The following TACC3 variants were observed in gnomAD, a reference collection of about 807,000 sequenced individuals.
The protein encoded by TACC3 is transforming acidic coiled-coil-containing protein 3.
A neutral mutation model predicts 86.0 loss-of-function variants in TACC3; 52 were observed. The observed-to-expected ratio is 0.60, with a 90% CI of 0.48 to 0.76. The LOEUF is 0.76. Among genes scored for constraint, TACC3 ranks in the 30% least tolerant of loss-of-function variants. The pLI is 0.00. For synonymous variants in TACC3, 512 were observed against 430.0 expected (o/e 1.19, Z -2.36); for missense variants, 1,120 against 1,070.4 (o/e 1.05, Z -0.65).
intron 13 of TACC3, 125 bp from the exon 14 acceptor site, chr4:1,744,393 G>C: frequency 1.2e-6 from 1 of 822,556 alleles, no homozygotes; most frequent in Non-Finnish European, 1.9e-6. Context: ...AAAGGAAAAC[G>C]GGAGCTACTG....
At chr4:1,738,157 G>A in intron 10 of TACC3, 1 of 330,686 alleles carries the variant, frequency 3.0e-6, no homozygotes, top group South Asian at 2.3e-5. Flanking sequence ...CCAGGCTTCA[G>A]CCTGTTCTAA....
chr4:1,744,802 C>T lies in TACC3; in HGVS notation c.2421C>T (p.Ile807=). The part of the protein sequence containing the change: ...QASLRKEQMR[I]QSLEKTVEQK... ...GCCTGAGGAAGGAGCAGATGCGCATCCAGTCGCTGGAGAAGACAGTGGAGC... is the reference window on the plus strand; with the variant it reads ...GCCTGAGGAAGGAGCAGATGCGCATTCAGTCGCTGGAGAAGACAGTGGAGC... Residue 807 remains isoleucine (I), a synonymous_variant, in exon 15 of 16, where the codon ATC becomes ATT. Coordinates refer to ENST00000313288, the MANE Select transcript of TACC3 (RefSeq NM_006342.3). The T allele has an allele frequency of 6.2e-7, 1 of 1,612,944 alleles. No individual in the cohort carries two copies. Among genetic ancestry groups the T allele is most frequent in the Non-Finnish European group, 8.5e-7 (1 of 1,180,024 alleles).
rs1718238367 is a variant in TACC3 at position 1,735,884 on chromosome 4, C to G, written c.1748+50C>G. The G allele has an allele frequency of 1.5e-6, 2 of 1,330,068 alleles. No individual in the cohort carries two copies. The highest frequency in any genetic ancestry group is 1.4e-5 in the African/African-American group (1 of 69,306). The allele number at this position is 1,330,068 out of a possible 1,614,324, so 82.4% of individuals were successfully genotyped here. ...GCATGAAGCCTTGAGTGTGGGAAGA[C>G]TGGAGGCTGTTCCTAGGTGTGCTGT... On this transcript the variant is annotated intron_variant, in intron 8 of 15. Coordinates refer to ENST00000313288, the MANE Select transcript of TACC3 (RefSeq NM_006342.3). This position sits in a 1 kb window ranked among gnomAD's most constrained non-coding sequence, Gnocchi z 4.2.
Position 1,723,571 on chromosome 4 carries a change from C to T in TACC3, c.150C>T (p.Ala50=). The T allele has an allele frequency of 6.2e-7, 1 of 1,613,220 alleles. No individual in the cohort carries two copies. The highest frequency in any genetic ancestry group is 8.5e-7 in the Non-Finnish European group (1 of 1,179,686). The change falls in exon 2 of 16, where the codon GCC becomes GCT. Residue 50 remains alanine, a synonymous_variant. Transcript: ENST00000313288. ...QKENVPPKNL[A]KAMKVTFQTP... is the part of the protein sequence containing the mutation. ...AAAATGTGCCACCCAAGAACCTGGC[C>T]AAAGCTATGAAGGTAAGTGTGACCT... is the stretch of plus-strand genomic sequence containing the variant.
chr4:1,739,488 C>T (rs528922484), intron 10 of TACC3: 2 of 585,072 alleles, frequency 3.4e-6, no homozygotes, highest in African/African-American at 3.7e-5. Context: ...CCAGCAGCCT[C>T]ATGCCTCCTG....
rs764164144 is a variant in TACC3, at chr4:1,737,283, A to G, written c.1791A>G (p.Glu597=). The change falls in exon 9 of 16, where the codon GAA becomes GAG. Residue 597 remains glutamate, a synonymous_variant. Coordinates refer to ENST00000313288, the MANE Select transcript of TACC3 (RefSeq NM_006342.3). Reference sequence around the variant, plus strand: ...AGACTCCCTCAGGACGTCCGCGGGAAGCCAAGCTTGTGGAGTTCGATTTCT... The same window carrying G: ...AGACTCCCTCAGGACGTCCGCGGGAGGCCAAGCTTGTGGAGTTCGATTTCT... ...ANETPSGRPR[E]AKLVEFDFLG... is the part of the protein sequence containing the mutation. 2 of 1,614,034 alleles carry G rather than the reference A, an allele frequency of 1.2e-6. No individual in the cohort carries two copies. Among genetic ancestry groups the G allele is most frequent in the African/African-American group, 2.7e-5 (2 of 74,950 alleles).
chr4:1,737,159 G>T, intron 8 of TACC3, 82 bp from the exon 9 acceptor site: 1 of 1,194,032 alleles, frequency 8.4e-7, no homozygotes, highest in East Asian at 2.4e-5. Context: ...AAAGAGCCCG[G>T]TTAGCTTGTC....
rs1717821003 is a variant in TACC3 at position 1,728,422 on chromosome 4, T to C, written c.1020T>C (p.Phe340=). 1 of 1,613,320 alleles carries C rather than the reference T, an allele frequency of 6.2e-7. No individual in the cohort carries two copies. Among genetic ancestry groups the C allele is most frequent in the East Asian group, 2.2e-5 (1 of 44,872 alleles). The change falls in exon 4 of 16, where the codon TTT becomes TTC. Residue 340 remains phenylalanine, a synonymous_variant. Coordinates refer to ENST00000313288, the MANE Select transcript of TACC3 (RefSeq NM_006342.3). ...GGAGCGGACCTGTAAAACTAGAATTTGATGTATCTGATGGCGCCACCAGCA... is the reference window on the plus strand; with the variant it reads ...GGAGCGGACCTGTAAAACTAGAATTCGATGTATCTGATGGCGCCACCAGCA... ...SSRSGPVKLE[F]DVSDGATSKR...
chr4:1,744,945 C>T lies in TACC3; in HGVS notation c.2452-3C>T, dbSNP rs769750132. On this transcript the variant is annotated splice_region_variant and splice_polypyrimidine_tract_variant and intron_variant, in intron 15 of 15. Transcript: ENST00000313288. Reference sequence around the variant, plus strand: ...AGCCCCGCAACTCATCTTCCTCCTCCAGACTAAAGAGAACGAGGAGCTGAC... The same window carrying T: ...AGCCCCGCAACTCATCTTCCTCCTCTAGACTAAAGAGAACGAGGAGCTGAC... 14 of 1,611,952 alleles carry T rather than the reference C, an allele frequency of 8.7e-6. No individual in the cohort carries two copies. The highest frequency in any genetic ancestry group is 1.2e-5 in the Non-Finnish European group (14 of 1,179,618).
chr4:1,724,539 C>A (rs1262764469), intron 3 of TACC3, among the ~76,000 whole-genome samples: 1 of 149,180 alleles, frequency 6.7e-6, no homozygotes, highest in Non-Finnish European at 1.5e-5. Flanking sequence ...TACAGGCGCC[C>A]GCCGCCACCA....
intron 8 of TACC3, among the ~76,000 whole-genome samples, chr4:1,736,240 A>G (rs1718255661): frequency 6.6e-6 from 1 of 152,066 alleles, no homozygotes; most frequent in Admixed American, 6.5e-5. Flanking sequence ...CCTGGGCAAC[A>G]TGTTGAAACC....
rs1439705904 is a variant in TACC3, at chr4:1,739,544, ACAGGGTTCC to A, written c.1942-151_1942-143del. On this transcript the variant is annotated intron_variant, in intron 10 of 15. Coordinates refer to ENST00000313288, the MANE Select transcript of TACC3 (RefSeq NM_006342.3). ...CGTGGAGCAGGTGGCCTTGGCCTCG[ACAGGGTTCC>A]CAGGGTCCCACTGGAAGCCCCACAT... is the stretch of plus-strand genomic sequence containing the variant. 4.4e-6 allele frequency: 3 copies of A among 680,874 alleles called. No individual in the cohort carries two copies. In the East Asian group the frequency reaches 8.3e-5, roughly 19 times the overall value. The allele number at this position is 680,874 out of a possible 1,614,324, so 42.2% of individuals were successfully genotyped here.
Position 1,728,359 on chromosome 4 carries a change from G to A in TACC3, c.957G>A (p.Gln319=). Residue 319 remains glutamine (Q), a synonymous_variant, in exon 4 of 16, where the codon CAG becomes CAA. Coordinates refer to ENST00000313288, the MANE Select transcript of TACC3 (RefSeq NM_006342.3). The part of the protein sequence containing the change: ...VAGRAMTLSP[Q]EEVAAGQMAS... ...GCAGGGCCATGACCCTGAGTCCTCA[G>A]GAAGAAGTGGCTGCAGGCCAAATGG... 2 of 1,613,182 alleles carry A rather than the reference G, an allele frequency of 1.2e-6. No individual in the cohort carries two copies. The highest frequency in any genetic ancestry group is 1.7e-6 in the Non-Finnish European group (2 of 1,180,028).
In TACC3 at chr4:1,728,178, C is replaced by G. The variant is rs1192865819; in HGVS notation, c.776C>G (p.Ala259Gly). 2 of 1,611,662 alleles carry G rather than the reference C, an allele frequency of 1.2e-6. No homozygotes were observed. The highest frequency in any genetic ancestry group is 3.3e-5 in the Admixed American group (2 of 59,840). Residue 259 changes from alanine to glycine, a missense_variant, in exon 4 of 16, where the codon GCC becomes GGC. Ala to Gly is a moderately conservative substitution (Grantham distance 60). Coordinates refer to ENST00000313288, the MANE Select transcript of TACC3 (RefSeq NM_006342.3). ...CCTCCTGGTGCAATCCCTAAGGAAG[C>G]CTGCGGAGGAGCACCCCTGCAGGGT... Reference protein sequence around the residue: ...TSPPGAIPKEACGGAPLQGLP... With the variant: ...TSPPGAIPKEGCGGAPLQGLP...
chr4:1,729,236 G>C (rs961158865), intron 4 of TACC3, among the ~76,000 whole-genome samples: 2 of 152,170 alleles, frequency 1.3e-5, no homozygotes, highest in African/African-American at 4.8e-5. Flanking sequence ...ACATCTCCTA[G>C]AGTTGCTCAG....
At chr4:1,740,347 T>C in intron 12 of TACC3, 1 of 440,576 alleles carries the variant, frequency 2.3e-6, no homozygotes, top group Non-Finnish European at 4.1e-6. Context: ...CAGCAGCCTC[T>C]GTAGGTGTCT....
intron 12 of TACC3, 154 bp from the exon 13 acceptor site, chr4:1,740,672 C>T (rs1278603040): frequency 1.5e-6 from 1 of 659,486 alleles, no homozygotes; most frequent in Non-Finnish European, 2.7e-6. Context: ...CTAGAAGATC[C>T]TGGGTGGAGG....
chr4:1,724,003 CTG>C, intron 3 of TACC3, 133 bp downstream of exon 3: 1 of 998,842 alleles, frequency 1.0e-6, no homozygotes, highest in Non-Finnish European at 1.5e-6. Flanking sequence ...GAGTCTCGCT[CTG>C]TTGCCCACGC....
At chr4:1,741,735 G>T (rs1382352521) in intron 13 of TACC3, 1 of 152,280 alleles carries the variant, frequency 6.6e-6, no homozygotes, top group East Asian at 1.9e-4. Context: ...GGCCCTTGCA[G>T]GGCCTGCTGA....
Sources: gnomAD v4.1 joint callset for allele counts (sites outside exome capture counted in the v4.1 genomes callset) on GRCh38, gnomAD v4.1.1 for gene constraint, Gnocchi (gnomAD v3.1) non-coding constraint, MANE v1.5 for transcripts, NCBI Gene and HGNC (gene_info 2026-07-23, HGNC 2026-07-21) for gene names.